Variants in STAU1 observed in about 807,000 individuals in gnomAD.
STAU1 encodes the protein staufen double-stranded RNA binding protein 1.
Under a neutral mutation model 62.9 loss-of-function variants are expected in STAU1, and 13 were observed. The ratio of observed to expected loss-of-function variants is 0.21; its 90% CI spans 0.13 to 0.33. The LOEUF is 0.33. Ranked by LOEUF, STAU1 falls within the 10% of genes least tolerant of loss-of-function variation. The probability of loss-of-function intolerance (pLI) is 1.00; values close to 1 mark genes in which losing one functional copy is unlikely to be tolerated. For missense variants in STAU1, 571 were observed against 712.1 expected, an observed-to-expected ratio of 0.80 and a Z score of 2.25; for synonymous variants, 269 against 265.1, an observed-to-expected ratio of 1.01 and a Z score of -0.14.
intron 6 of STAU1, among the ~76,000 whole-genome samples, 155 bp downstream of exon 6, chr20:49,135,678 A>G (rs1178891200): frequency 1.3e-5 from 2 of 152,200 alleles, no homozygotes; most frequent in Non-Finnish European, 2.9e-5. Flanking sequence ...GAAGAGAATA[A>G]ACACTGCTTC....
intron 6 of STAU1, among the ~76,000 whole-genome samples, chr20:49,135,566 C>T (rs1220302412): frequency 2.0e-5 from 3 of 152,200 alleles, no homozygotes; most frequent in Non-Finnish European, 4.4e-5. Flanking sequence ...TGAACACTAA[C>T]ACAACCATCT....
chr20:49,195,728 AC>A, the STAU1 span, among the ~76,000 whole-genome samples: 2 of 147,818 alleles, frequency 1.4e-5, no homozygotes, highest in Non-Finnish European at 3.0e-5. Context: ...ACATGGAAAA[AC>A]CCCGTCTCTA....
At chr20:49,176,637 T>C (rs1340441349) in intron 1 of STAU1, among the ~76,000 whole-genome samples, 1 of 152,196 alleles carries the variant, frequency 6.6e-6, no homozygotes, top group African/African-American at 2.4e-5. Flanking sequence ...CAGGTTCTTT[T>C]CATAGATAGT....
chr20:49,213,720 C>A, the STAU1 span, among the ~76,000 whole-genome samples: 1 of 152,294 alleles, frequency 6.6e-6, no homozygotes, highest in Admixed American at 6.5e-5. Flanking sequence ...CAATGCCACC[C>A]TATTTAGTCC....
chr20:49,202,284 C>T, the STAU1 span, among the ~76,000 whole-genome samples: 3 of 141,634 alleles, frequency 2.1e-5, no homozygotes, highest in Non-Finnish European at 3.1e-5. Flanking sequence ...GCTGGGACAC[C>T]GGGCGTGATG....
In STAU1 at chr20:49,117,287, G is replaced by C; in HGVS notation, c.1510-39C>G. Reference sequence around the variant, plus strand: ...GAGAGCTGAGGCTAGGTAGGGAACAGCAAGTATGAGTGGGCTGGAGGGCTG... The same window carrying C: ...GAGAGCTGAGGCTAGGTAGGGAACACCAAGTATGAGTGGGCTGGAGGGCTG... On this transcript the variant is annotated intron_variant, in intron 11 of 13. Transcript: ENST00000371856. The surrounding 1 kb of genome is among the most constrained non-coding windows in gnomAD (Gnocchi z 4.6). The C allele has an allele frequency of 6.2e-7, 1 of 1,610,612 alleles. No individual in the cohort carries two copies. Among genetic ancestry groups the C allele is most frequent in the Non-Finnish European group, 8.5e-7 (1 of 1,177,860 alleles).
intron 7 of STAU1, among the ~76,000 whole-genome samples, chr20:49,123,670 C>T (rs1183017788): frequency 2.0e-5 from 3 of 152,162 alleles, no homozygotes; most frequent in Admixed American, 1.3e-4. Context: ...CAAGAAGAAC[C>T]TCAGAATCCC....
chr20:49,139,576 A>T (rs2092962524), intron 5 of STAU1, among the ~76,000 whole-genome samples: 1 of 150,376 alleles, frequency 6.6e-6, no homozygotes, highest in Admixed American at 6.6e-5. Context: ...AATACAAAAA[A>T]CTAGCCGGGT....
intron 6 of STAU1, among the ~76,000 whole-genome samples, chr20:49,131,545 G>A (rs1231773876): frequency 6.6e-6 from 1 of 151,946 alleles, no homozygotes; most frequent in Non-Finnish European, 1.5e-5. Flanking sequence ...GTATATTTAT[G>A]GAAAAAGAAA....
chr20:49,115,317 T>C (rs2145797196), intron 13 of STAU1, among the ~76,000 whole-genome samples: 1 of 152,258 alleles, frequency 6.6e-6, no homozygotes, highest in East Asian at 1.9e-4. Flanking sequence ...TTGTTTTTTT[T>C]TGGGACGGAG....
chr20:49,129,304 T>C (rs2092702023), intron 6 of STAU1, among the ~76,000 whole-genome samples: 3 of 145,016 alleles, frequency 2.1e-5, no homozygotes, highest in Admixed American at 2.1e-4. Flanking sequence ...TTTTTTTTTT[T>C]TGAGACGGAG....
Position 49,123,117 on chromosome 20 carries a change from G to A in STAU1, c.941C>T (p.Pro314Leu), listed in dbSNP as rs200245504. The change falls in exon 8 of 14, where the codon CCG (proline) becomes CTG (leucine). Residue 314 changes from proline to leucine, a missense_variant. Physicochemically the swap from Pro to Leu is moderately conservative, Grantham distance 98 (BLOSUM62 -3). This residue lies in a region of STAU1 where 414 missense variants were observed against 499.6 expected (regional missense o/e 0.83). Coordinates refer to ENST00000371856, the MANE Select transcript of STAU1 (RefSeq NM_017453.4). ...EYTLLTERGL[P>L]RRREFVMQVK... ...CTGCATCACAAACTCCCTGCGGCGC[G>A]GGAGGCCTCGCTCTGTGAGGAGCGT... The A allele has an allele frequency of 3.0e-5, 48 of 1,611,008 alleles. No individual in the cohort carries two copies. In the Middle Eastern group the frequency reaches 5.0e-4, roughly 17 times the overall value.
the STAU1 span, among the ~76,000 whole-genome samples, chr20:49,194,583 C>T: frequency 2.1e-4 from 2 of 9,336 alleles, no homozygotes; most frequent in Non-Finnish European, 8.9e-4. Flanking sequence ...ATTATTATTA[C>T]TATTATTATT....
intron 6 of STAU1, among the ~76,000 whole-genome samples, chr20:49,131,224 C>T (rs2092741548): frequency 6.6e-6 from 1 of 152,156 alleles, no homozygotes; most frequent in Non-Finnish European, 1.5e-5. Flanking sequence ...ACTGCAGATA[C>T]TAAAGATACT....
intron 1 of STAU1, among the ~76,000 whole-genome samples, chr20:49,184,274 C>T (rs2093760960): frequency 6.6e-6 from 1 of 151,926 alleles, no homozygotes; most frequent in African/African-American, 2.4e-5. Flanking sequence ...GAGCTAAACT[C>T]CATCTCAAAA....
intron 1 of STAU1, among the ~76,000 whole-genome samples, chr20:49,181,956 G>A (rs548439707): frequency 6.6e-6 from 1 of 152,054 alleles, no homozygotes; most frequent in Admixed American, 6.6e-5. Flanking sequence ...TTCCATTACT[G>A]TTATAAACCC....
At chr20:49,178,176 C>CA (rs1254022186) in intron 1 of STAU1, among the ~76,000 whole-genome samples, 2 of 152,092 alleles carry the variant, frequency 1.3e-5, no homozygotes, top group Non-Finnish European at 2.9e-5. Flanking sequence ...GACTCCATCT[C>CA]AAAAAACCAA....
intron 6 of STAU1, among the ~76,000 whole-genome samples, chr20:49,127,954 A>C (rs2092668102): frequency 6.6e-6 from 1 of 152,194 alleles, no homozygotes; most frequent in Non-Finnish European, 1.5e-5. Flanking sequence ...GTTTGAGACC[A>C]GCCTGACCAA....
At chr20:49,142,063 G>GAACAAC (rs71184265) in intron 5 of STAU1, among the ~76,000 whole-genome samples, 57,437 of 150,350 alleles carry the variant, frequency 0.38, 10,977 homozygotes, top group Middle Eastern at 0.48. Flanking sequence ...ATCTCAACAA[G>GAACAAC]AACAACAACA....
Sources: allele counts gnomAD v4.1 joint callset (sites outside exome capture counted in the v4.1 genomes callset), GRCh38; gene constraint gnomAD v4.1.1; regional missense constraint gnomAD v4.1.1; non-coding constraint Gnocchi (gnomAD v3.1); transcripts MANE v1.5; gene names NCBI Gene and HGNC (gene_info 2026-07-23, HGNC 2026-07-21).